The following YAP1 variants were observed in gnomAD, a reference collection of about 807,000 sequenced individuals.
The protein encoded by YAP1 is transcriptional coactivator YAP1.
YAP1 carries 5 observed loss-of-function variants against 56.9 expected under a neutral mutation model. The ratio of observed to expected loss-of-function variants is 0.09; its 90% CI spans 0.05 to 0.18. The LOEUF is 0.18. YAP1 is among the 10% of genes least tolerant of loss of function. YAP1 has a pLI of 1.00. For missense variants in YAP1, 539 were observed against 651.8 expected, an observed-to-expected ratio of 0.83 and a Z score of 1.88; for synonymous variants, 265 against 248.1, an observed-to-expected ratio of 1.07 and a Z score of -0.64.
At chr11:102,146,768 G>A (rs1001541975) in intron 2 of YAP1, among the ~76,000 whole-genome samples, 1 of 152,216 alleles carries the variant, frequency 6.6e-6, no homozygotes, top group Non-Finnish European at 1.5e-5. Flanking sequence ...TTCTGGTGGA[G>A]AATTGAGATT....
intron 2 of YAP1, among the ~76,000 whole-genome samples, chr11:102,145,637 G>T (rs1261571524): frequency 1.3e-5 from 2 of 152,186 alleles, no homozygotes; most frequent in Non-Finnish European, 2.9e-5. Flanking sequence ...TTAGGACAAA[G>T]AATTAGGTTA....
At chr11:102,121,245 C>T (rs1054841364) in intron 2 of YAP1, among the ~76,000 whole-genome samples, 14 of 152,070 alleles carry the variant, frequency 9.2e-5, no homozygotes, top group Non-Finnish European at 1.5e-5. Flanking sequence ...GAAGACCAGC[C>T]TGGGCAATGT....
intron 1 of YAP1, chr11:102,112,586 TCTC>T (rs759687799): frequency 1.0e-6 from 1 of 985,260 alleles, no homozygotes; most frequent in Non-Finnish European, 1.2e-6. Flanking sequence ...TCCCATTCCC[TCTC>T]CTATTTGCAG....
chr11:102,227,698 A>G, intron 8 of YAP1, 117 bp downstream of exon 8: 1 of 697,796 alleles, frequency 1.4e-6, no homozygotes, highest in Non-Finnish European at 2.5e-6. Flanking sequence ...AAAATCCTGT[A>G]AATTTGAATT....
At chr11:102,184,674 G>C (rs982623197) in intron 3 of YAP1, among the ~76,000 whole-genome samples, 1 of 152,214 alleles carries the variant, frequency 6.6e-6, no homozygotes, top group Non-Finnish European at 1.5e-5. Flanking sequence ...TGAGTGGTCA[G>C]TTTAACCAAA....
rs1244558687 is a variant in YAP1, at chr11:102,125,215, T to A, written c.572+10821T>A. On this transcript the variant is annotated intron_variant, in intron 2 of 8. Transcript: ENST00000282441. ...GTGTGTATGTTTTGTAGAGACAGGG[T>A]TTTACCATGTTGCCCAGGCTGGTGT... 2.0e-5 allele frequency among the ~76,000 whole-genome samples: 3 copies of A among 151,778 alleles called. No individual in the cohort carries two copies. In the East Asian group the frequency reaches 5.8e-4, roughly 29 times the overall value.
At chr11:102,223,783 G>A (rs775559866) in intron 7 of YAP1, 31 bp downstream of exon 7, 9 of 1,612,462 alleles carry the variant, frequency 5.6e-6, no homozygotes, top group Non-Finnish European at 6.8e-6. Context: ...GTGAATATCT[G>A]AAAAGGATCA....
At chr11:102,211,116 C>G (rs1949384700) in intron 6 of YAP1, among the ~76,000 whole-genome samples, 1 of 152,144 alleles carries the variant, frequency 6.6e-6, no homozygotes, top group Non-Finnish European at 1.5e-5. Context: ...AATATAGGAG[C>G]AGAAATTAAC....
intron 2 of YAP1, among the ~76,000 whole-genome samples, chr11:102,147,151 A>G (rs1945368815): frequency 6.6e-6 from 1 of 152,180 alleles, no homozygotes; most frequent in South Asian, 2.1e-4. Flanking sequence ...AGCTCTGTTA[A>G]TCTGGCACCA....
intron 2 of YAP1, among the ~76,000 whole-genome samples, chr11:102,154,149 A>T (rs1316386074): frequency 6.6e-6 from 1 of 152,216 alleles, no homozygotes; most frequent in Non-Finnish European, 1.5e-5. Flanking sequence ...AGAGGTTCAA[A>T]GAAGAAAGCT....
chr11:102,131,306 T>G (rs1944356149), intron 2 of YAP1, among the ~76,000 whole-genome samples: 2 of 152,254 alleles, frequency 1.3e-5, no homozygotes, highest in South Asian at 4.1e-4. Context: ...TCTCTTGATT[T>G]TATAAACACC....
chr11:102,129,997 G>A (rs1353961430), intron 2 of YAP1, among the ~76,000 whole-genome samples: 1 of 151,432 alleles, frequency 6.6e-6, no homozygotes, highest in African/African-American at 2.4e-5. Context: ...ATGGGGTTTT[G>A]AACTACTGAC....
At chr11:102,215,759 A>G (rs770498554) in intron 6 of YAP1, among the ~76,000 whole-genome samples, 3 of 152,164 alleles carry the variant, frequency 2.0e-5, no homozygotes, top group African/African-American at 4.8e-5. Context: ...GATTACAGTC[A>G]TGAGCCACTG....
chr11:102,176,523 G>A (rs975451446), intron 3 of YAP1, among the ~76,000 whole-genome samples: 7 of 151,812 alleles, frequency 4.6e-5, no homozygotes, highest in African/African-American at 1.7e-4. Flanking sequence ...AATGTGGGTG[G>A]ATCTTGAGGT....
chr11:102,117,974 A>ATC (rs1326023915), intron 2 of YAP1, among the ~76,000 whole-genome samples: 3 of 152,210 alleles, frequency 2.0e-5, no homozygotes, highest in African/African-American at 7.2e-5. Context: ...AAGCTGCTGA[A>ATC]TAACTTCCTG....
chr11:102,141,718 A>G (rs1484581001), intron 2 of YAP1, among the ~76,000 whole-genome samples: 1 of 152,190 alleles, frequency 6.6e-6, no homozygotes, highest in Non-Finnish European at 1.5e-5. Flanking sequence ...GCATTTGGTT[A>G]AAAAAATTTC....
intron 4 of YAP1, 24 bp from the exon 5 acceptor site, chr11:102,205,869 A>T (rs771019504): frequency 2.1e-6 from 3 of 1,401,110 alleles, no homozygotes; most frequent in Admixed American, 2.5e-5. Flanking sequence ...TTTAGGACAG[A>T]TTTTTTTTTT....
chr11:102,145,459 A>ATGTGGAAAGACAC (rs1174964408), intron 2 of YAP1, among the ~76,000 whole-genome samples: 1 of 152,216 alleles, frequency 6.6e-6, no homozygotes, highest in Non-Finnish European at 1.5e-5. Flanking sequence ...TTGCTATCAA[A>ATGTGGAAAGACAC]TGTGGAAAGA....
In YAP1 at chr11:102,227,444, G is replaced by C. The variant is rs758889320; in HGVS notation, c.1164-25G>C. ...TTGATTTTTAAAATTTTTTGTGTTG[G>C]TCTTTAACTGTCATGTTTATGTAGT... On this transcript the variant is annotated intron_variant, in intron 7 of 8. Coordinates refer to ENST00000282441, the MANE Select transcript of YAP1 (RefSeq NM_001130145.3). The C allele has an allele frequency of 3.9e-6, 6 of 1,548,284 alleles. No individual in the cohort carries two copies. In the East Asian group the frequency reaches 1.3e-4, roughly 35 times the overall value.
Sources: allele counts gnomAD v4.1 joint callset (sites outside exome capture counted in the v4.1 genomes callset), GRCh38; gene constraint gnomAD v4.1.1; transcripts MANE v1.5; gene names NCBI Gene and HGNC (gene_info 2026-07-23, HGNC 2026-07-21).